Variants in GBE1 observed in about 807,000 individuals in gnomAD.
GBE1 encodes the protein 1,4-alpha-glucan branching enzyme 1.
A neutral mutation model predicts 88.8 loss-of-function variants in GBE1; 70 were observed. That is an observed-to-expected ratio of 0.79 (90% CI 0.65 to 0.96). The LOEUF (loss-of-function observed/expected upper bound fraction) is 0.96, where lower values mean the gene tolerates loss of function less well. GBE1 is among the 40% of genes least tolerant of loss of function. The probability of loss-of-function intolerance (pLI) is 0.00; values close to 1 mark genes in which losing one functional copy is unlikely to be tolerated. For missense variants in GBE1, 872 were observed against 871.0 expected, an observed-to-expected ratio of 1.00 and a Z score of -0.01; for synonymous variants, 284 against 300.1, an observed-to-expected ratio of 0.95 and a Z score of 0.56.
chr3:81,491,791 AAACTC>A (rs1431168145), intron 15 of GBE1, among the ~76,000 whole-genome samples: 1 of 152,196 alleles, frequency 6.6e-6, no homozygotes, highest in Non-Finnish European at 1.5e-5. Context: ...CTTTAGGAAA[AAACTC>A]AAACAAATAG....
intron 14 of GBE1, among the ~76,000 whole-genome samples, chr3:81,523,448 T>A (rs1424783408): frequency 6.6e-6 from 1 of 151,620 alleles, no homozygotes; most frequent in Non-Finnish European, 1.5e-5. Context: ...TCAGGGTAAA[T>A]AGAGTATCCA....
At chr3:81,513,021 A>T (rs1702746202) in intron 14 of GBE1, among the ~76,000 whole-genome samples, 1 of 151,730 alleles carries the variant, frequency 6.6e-6, no homozygotes, top group African/African-American at 2.4e-5. Flanking sequence ...TCAAAAATTT[A>T]TAATTCCATG....
chr3:81,705,456 TA>T lies in GBE1; in HGVS notation c.300del (p.Thr101LeufsTer42). ...TTCAAGTACTTACTAAAATCTCCAG[TA>T]AGAAAAACTCCTTCTGCTCCCGGGG... ...EWAPGAEGVF[L>X]TGDFNGWNPF... On this transcript the variant is annotated frameshift_variant, in exon 2 of 16. Transcript: ENST00000429644. LOFTEE classifies it high-confidence loss of function. 1 of 1,586,538 alleles carries T rather than the reference TA, an allele frequency of 6.3e-7. No homozygotes were observed. Among genetic ancestry groups the T allele is most frequent in the Non-Finnish European group, 8.6e-7 (1 of 1,168,208 alleles).
At chr3:81,522,216 T>C (rs1702883368) in intron 14 of GBE1, among the ~76,000 whole-genome samples, 2 of 151,630 alleles carry the variant, frequency 1.3e-5, no homozygotes, top group Admixed American at 1.3e-4. Context: ...TTTGAATAGC[T>C]GGCACATAGA....
chr3:81,659,502 A>ATT (rs35138103), intron 3 of GBE1, among the ~76,000 whole-genome samples: 112 of 127,042 alleles, frequency 8.8e-4, no homozygotes, highest in African/African-American at 2.2e-3. Context: ...CGCCCGGCTA[A>ATT]TTTTTTTTTT....
intron 14 of GBE1, among the ~76,000 whole-genome samples, chr3:81,526,159 G>A (rs1702941603): frequency 6.6e-6 from 1 of 151,682 alleles, no homozygotes; most frequent in African/African-American, 2.4e-5. Flanking sequence ...GCTTTATCTT[G>A]TGGGCATTCA....
intron 6 of GBE1, among the ~76,000 whole-genome samples, chr3:81,645,859 T>C (rs1007262434): frequency 2.0e-5 from 3 of 152,218 alleles, no homozygotes; most frequent in African/African-American, 7.2e-5. Context: ...ATAAACTCCA[T>C]GACACTGAGT....
At chr3:81,548,767 G>A (rs1449541353) in intron 12 of GBE1, among the ~76,000 whole-genome samples, 1 of 150,694 alleles carries the variant, frequency 6.6e-6, no homozygotes, top group Non-Finnish European at 1.5e-5. Flanking sequence ...GACTCTCATG[G>A]AGAGCTGAAA....
intron 3 of GBE1, among the ~76,000 whole-genome samples, chr3:81,652,219 AC>A (rs1160030095): frequency 2.6e-5 from 4 of 152,222 alleles, no homozygotes; most frequent in African/African-American, 9.6e-5. Flanking sequence ...ATATAGTGTC[AC>A]CCCTATGGGG....
intron 4 of GBE1, 90 bp downstream of exon 4, chr3:81,649,706 T>A (rs913407317): frequency 1.9e-6 from 2 of 1,039,806 alleles, no homozygotes; most frequent in Admixed American, 2.6e-5. Flanking sequence ...AAGATAAGCA[T>A]TGAACATTAC....
At chr3:81,544,941 G>C (rs1217846894) in intron 12 of GBE1, among the ~76,000 whole-genome samples, 3 of 151,828 alleles carry the variant, frequency 2.0e-5, no homozygotes, top group African/African-American at 7.3e-5. Context: ...TTTTACCTAG[G>C]AATTAATTAA....
chr3:81,631,453 A>G (rs1378208430), intron 7 of GBE1, among the ~76,000 whole-genome samples: 3 of 152,070 alleles, frequency 2.0e-5, no homozygotes, highest in East Asian at 3.9e-4. Context: ...AAATTTAACA[A>G]TGACCAGGCG....
chr3:81,723,257 TTTTG>T (rs1706060652), intron 1 of GBE1, among the ~76,000 whole-genome samples: 2 of 127,690 alleles, frequency 1.6e-5, no homozygotes, highest in Non-Finnish European at 3.4e-5. Context: ...ATAAAAGTTG[TTTTG>T]TTTTTTTTTT....
At chr3:81,613,097 C>T in intron 7 of GBE1, 1 of 562,736 alleles carries the variant, frequency 1.8e-6, no homozygotes. Context: ...CTGATGGATT[C>T]CGACCTTCCT....
intron 2 of GBE1, among the ~76,000 whole-genome samples, chr3:81,675,015 G>T (rs1705233602): frequency 6.6e-6 from 1 of 151,952 alleles, no homozygotes; most frequent in South Asian, 2.1e-4. Context: ...AATACAGATT[G>T]CTGGGTCCCA....
At chr3:81,562,190 T>C (rs17019086) in intron 12 of GBE1, among the ~76,000 whole-genome samples, 6,970 of 152,128 alleles carry the variant, frequency 0.046, 516 homozygotes, top group African/African-American at 0.15. Context: ...AATGAAGAAA[T>C]AACTATCACA....
At chr3:81,651,682 T>C (rs1704853223) in intron 3 of GBE1, among the ~76,000 whole-genome samples, 1 of 152,168 alleles carries the variant, frequency 6.6e-6, no homozygotes, top group African/African-American at 2.4e-5. Context: ...GGAAACAAAA[T>C]ACTATAAACC....
chr3:81,591,518 T>C (rs1433828066), intron 8 of GBE1, among the ~76,000 whole-genome samples: 1 of 152,186 alleles, frequency 6.6e-6, no homozygotes, highest in Non-Finnish European at 1.5e-5. Context: ...AAGATGTTAA[T>C]GTTAGTTTGT....
chr3:81,515,251 T>C (rs1338747988), intron 14 of GBE1, among the ~76,000 whole-genome samples: 1 of 151,526 alleles, frequency 6.6e-6, no homozygotes, highest in Non-Finnish European at 1.5e-5. Flanking sequence ...CACATTTTGG[T>C]AGTTCTTGCA....
Sources: gnomAD v4.1 joint callset for allele counts (sites outside exome capture counted in the v4.1 genomes callset) on GRCh38, gnomAD v4.1.1 for gene constraint, MANE v1.5 for transcripts, NCBI Gene and HGNC (gene_info 2026-07-23, HGNC 2026-07-21) for gene names.